REEP1: variants seen among roughly 807,000 people sequenced by gnomAD.
The protein encoded by REEP1 is receptor accessory protein 1, also known as receptor expression-enhancing protein 1.
Under a neutral mutation model 40.3 loss-of-function variants are expected in REEP1, and 22 were observed. That is an observed-to-expected ratio of 0.55 (90% CI 0.39 to 0.78). The LOEUF is 0.78. REEP1 is among the 30% of genes least tolerant of loss of function. The pLI, the probability that REEP1 is intolerant of heterozygous loss-of-function variation, is 0.00. For missense variants in REEP1, 280 were observed against 361.1 expected (o/e 0.78, Z 1.82); for synonymous variants, 116 against 139.2 (o/e 0.83, Z 1.17).
At chr2:86,272,807 A>G (rs1677528820) in intron 2 of REEP1, among the ~76,000 whole-genome samples, 1 of 152,092 alleles carries the variant, frequency 6.6e-6, no homozygotes, top group Non-Finnish European at 1.5e-5. Context: ...TTCACAATCC[A>G]TCCTCCAAAT....
intron 2 of REEP1, among the ~76,000 whole-genome samples, chr2:86,271,141 G>A (rs1677424895): frequency 6.6e-6 from 1 of 151,874 alleles, no homozygotes; most frequent in Admixed American, 6.6e-5. Context: ...ACAGTGAGCT[G>A]AGATCATGCC....
At chr2:86,217,599 C>T (rs1674185578) in intron 8 of REEP1, among the ~76,000 whole-genome samples, 1 of 151,784 alleles carries the variant, frequency 6.6e-6, no homozygotes, top group Non-Finnish European at 1.5e-5. Context: ...GCAAACACCA[C>T]CTTGAAGTAC....
At chr2:86,310,183 A>G (rs540906760) in intron 1 of REEP1, among the ~76,000 whole-genome samples, 42 of 152,356 alleles carry the variant, frequency 2.8e-4, no homozygotes, top group African/African-American at 9.1e-4. Context: ...AACTGGGCAC[A>G]TGCATGATGC....
intron 5 of REEP1, among the ~76,000 whole-genome samples, chr2:86,240,521 C>T (rs1675615889): frequency 6.6e-6 from 1 of 152,164 alleles, no homozygotes; most frequent in African/African-American, 2.4e-5. Context: ...CGGGGAAGTG[C>T]TTTGGGCCAG....
intron 1 of REEP1, among the ~76,000 whole-genome samples, chr2:86,291,172 C>T (rs1678673083): frequency 6.6e-6 from 1 of 152,164 alleles, no homozygotes. Context: ...TGACACACTG[C>T]CTTCCTGACT....
At chr2:86,253,292 A>C (rs557427961) in intron 4 of REEP1, among the ~76,000 whole-genome samples, 22 of 145,832 alleles carry the variant, frequency 1.5e-4, no homozygotes, top group African/African-American at 2.8e-4. Flanking sequence ...CCCACCCCCC[A>C]AAAAAAGGCT....
intron 2 of REEP1, among the ~76,000 whole-genome samples, chr2:86,264,285 C>T (rs901393197): frequency 3.9e-5 from 6 of 152,050 alleles, no homozygotes; most frequent in African/African-American, 7.2e-5. Context: ...TAAAGTGAGC[C>T]GGGGAGACCT....
intron 2 of REEP1, among the ~76,000 whole-genome samples, chr2:86,273,001 G>A (rs1216988561): frequency 1.3e-5 from 2 of 152,090 alleles, no homozygotes; most frequent in Non-Finnish European, 1.5e-5. Flanking sequence ...ATGCACACCT[G>A]TAGTCACAGC....
At chr2:86,324,782 C>T (rs1680426649) in intron 1 of REEP1, among the ~76,000 whole-genome samples, 1 of 152,164 alleles carries the variant, frequency 6.6e-6, no homozygotes, top group Non-Finnish European at 1.5e-5. Flanking sequence ...CTAACCCTAA[C>T]AAAACCTGTG....
At chr2:86,237,091 A>G (rs1675401394) in intron 5 of REEP1, among the ~76,000 whole-genome samples, 1 of 152,174 alleles carries the variant, frequency 6.6e-6, no homozygotes, top group Admixed American at 6.6e-5. Context: ...GGGTCTTACA[A>G]TTGCTGCCGC....
intron 1 of REEP1, among the ~76,000 whole-genome samples, chr2:86,296,458 G>A (rs1440134569): frequency 2.6e-5 from 4 of 152,172 alleles, no homozygotes; most frequent in South Asian, 2.1e-4. Context: ...TTCTTTGATC[G>A]CACAAAATTA....
At position 86,254,551 on chromosome 2, in the gene REEP1, A is replaced by T. The variant is rs957429559; in HGVS notation, c.303+143T>A. The stretch of plus-strand genomic sequence containing the variant: ...CTAAACACGTCTCAGAAATACACTT[A>T]AAAAAAACGATTAGGAGGAATGACT... On this transcript the variant is annotated intron_variant, in intron 4 of 8. Coordinates refer to ENST00000538924, the MANE Select transcript of REEP1 (RefSeq NM_001371279.1). 14 of 793,506 alleles carry T rather than the reference A, an allele frequency of 1.8e-5. No homozygotes were observed. In the East Asian group the frequency reaches 2.4e-4, roughly 13 times the overall value. The allele number at this position is 793,506 out of a possible 1,614,324, so 49.2% of individuals were successfully genotyped here.
At chr2:86,240,272 C>T (rs1001719554) in intron 5 of REEP1, among the ~76,000 whole-genome samples, 9 of 152,190 alleles carry the variant, frequency 5.9e-5, no homozygotes, top group Non-Finnish European at 8.8e-5. Flanking sequence ...GAGGATGGTA[C>T]GGTCCCTGCT....
chr2:86,282,138 C>T, intron 2 of REEP1, 32 bp downstream of exon 2: 1 of 1,506,112 alleles, frequency 6.6e-7, no homozygotes, highest in Non-Finnish European at 9.2e-7. Context: ...TGACTCCAGC[C>T]AACCCGCTCG....
At chr2:86,290,219 C>T (rs1019549886) in intron 1 of REEP1, among the ~76,000 whole-genome samples, 3 of 152,012 alleles carry the variant, frequency 2.0e-5, no homozygotes, top group African/African-American at 7.3e-5. Flanking sequence ...CTGGTATACA[C>T]TCTTCTGAAA....
At chr2:86,299,735 A>G (rs1456401687) in intron 1 of REEP1, among the ~76,000 whole-genome samples, 1 of 152,234 alleles carries the variant, frequency 6.6e-6, no homozygotes, top group Non-Finnish European at 1.5e-5. Context: ...TAAAGTAGTT[A>G]TTGGCTACTA....
chr2:86,322,120 G>A (rs1032313518), intron 1 of REEP1, among the ~76,000 whole-genome samples: 8 of 151,828 alleles, frequency 5.3e-5, no homozygotes, highest in Middle Eastern at 6.8e-3. Context: ...CAAATACCTG[G>A]GAATAAATCT....
rs144596711 is a variant in REEP1 at position 86,245,467 on chromosome 2, T to G, written c.417+6490A>C. 1.6e-4 allele frequency among the ~76,000 whole-genome samples: 25 copies of G among 152,356 alleles called. No homozygotes were observed. The East Asian group carries it at 2.7e-3, about 16-fold the overall frequency. On this transcript the variant is annotated intron_variant, in intron 5 of 8. Transcript: ENST00000538924. ...GCTACTCTCCGATAAGTTAAAGATA[T>G]GCTGTTTGAGCACAAAGGAGATTCA...
intron 2 of REEP1, among the ~76,000 whole-genome samples, chr2:86,268,587 A>G (rs1007945714): frequency 6.6e-6 from 1 of 152,176 alleles, no homozygotes; most frequent in African/African-American, 2.4e-5. Context: ...TGCAACCCCA[A>G]TCACAATCCC....
Sources: gnomAD v4.1 joint callset for allele counts (sites outside exome capture counted in the v4.1 genomes callset) on GRCh38, gnomAD v4.1.1 for gene constraint, MANE v1.5 for transcripts, NCBI Gene and HGNC (gene_info 2026-07-23, HGNC 2026-07-21) for gene names.